Variants in CREB5 observed in about 807,000 individuals in gnomAD.
CREB5 encodes cyclic AMP-responsive element-binding protein 5.
Under a neutral mutation model 57.1 loss-of-function variants are expected in CREB5, and 19 were observed. The ratio of observed to expected loss-of-function variants is 0.33; its 90% CI spans 0.23 to 0.49. CREB5 has a LOEUF of 0.49. Ranked by LOEUF, CREB5 falls within the 20% of genes least tolerant of loss-of-function variation. The probability of loss-of-function intolerance (pLI) is 0.99; values close to 1 mark genes in which losing one functional copy is unlikely to be tolerated. For missense variants in CREB5, 579 were observed against 671.6 expected (o/e 0.86, Z 1.52); for synonymous variants, 238 against 238.3 (o/e 1.00, Z 0.01).
At chr7:28,435,565 C>T (rs1339604088) in intron 1 of CREB5, 1 of 918,038 alleles carries the variant, frequency 1.1e-6, no homozygotes, top group African/African-American at 1.8e-5. Flanking sequence ...GCTGCATCAT[C>T]TTCATCAGGA....
chr7:28,568,599 A>T (rs767997955), intron 4 of CREB5, among the ~76,000 whole-genome samples: 2 of 152,208 alleles, frequency 1.3e-5, no homozygotes, highest in African/African-American at 2.4e-5. Flanking sequence ...ACCCAATCAT[A>T]GTGTTTTCCC....
chr7:28,650,815 T>TA (rs1207206752), intron 5 of CREB5, among the ~76,000 whole-genome samples: 1 of 152,160 alleles, frequency 6.6e-6, no homozygotes. Flanking sequence ...TATCTTTTTT[T>TA]AAAAAAAGAG....
At chr7:28,413,195 G>A (rs946910060) in intron 1 of CREB5, among the ~76,000 whole-genome samples, 1 of 151,846 alleles carries the variant, frequency 6.6e-6, no homozygotes, top group South Asian at 2.1e-4. Flanking sequence ...AAGCTATGGA[G>A]CATGTTAAGT....
intron 1 of CREB5, among the ~76,000 whole-genome samples, chr7:28,349,497 T>C (rs1457832387): frequency 3.3e-5 from 5 of 151,998 alleles, no homozygotes; most frequent in Non-Finnish European, 7.4e-5. Context: ...AGCCATGGCA[T>C]TGATTTCAGG....
At chr7:28,788,085 C>G (rs1446758565) in intron 7 of CREB5, among the ~76,000 whole-genome samples, 1 of 152,080 alleles carries the variant, frequency 6.6e-6, no homozygotes, top group African/African-American at 2.4e-5. Flanking sequence ...TTTAGTTAAC[C>G]TGGCTGTCAG....
intron 4 of CREB5, among the ~76,000 whole-genome samples, chr7:28,527,754 G>A (rs1209888286): frequency 1.3e-5 from 2 of 152,174 alleles, no homozygotes; most frequent in Non-Finnish European, 2.9e-5. Flanking sequence ...GGAGTTTGAG[G>A]TTGCAGTAAG....
intron 1 of CREB5, among the ~76,000 whole-genome samples, chr7:28,349,569 G>A (rs1054500419): frequency 2.0e-5 from 3 of 152,092 alleles, no homozygotes; most frequent in Admixed American, 6.6e-5. Flanking sequence ...TTTGCTCCAC[G>A]TTCTTACGGC....
chr7:28,786,316 G>A (rs964387104), intron 7 of CREB5, among the ~76,000 whole-genome samples: 5 of 152,036 alleles, frequency 3.3e-5, no homozygotes, highest in African/African-American at 4.8e-5. Flanking sequence ...ACACAATCTC[G>A]GGTTACTGCA....
chr7:28,632,712 G>A (rs986407581), intron 5 of CREB5, among the ~76,000 whole-genome samples: 7 of 152,134 alleles, frequency 4.6e-5, no homozygotes, highest in Non-Finnish European at 8.8e-5. Flanking sequence ...CTCCAGTGTC[G>A]CCAAGGGAGG....
intron 1 of CREB5, among the ~76,000 whole-genome samples, chr7:28,486,806 C>A (rs1791575372): frequency 6.7e-6 from 1 of 150,336 alleles, no homozygotes; most frequent in African/African-American, 2.5e-5. Context: ...AAGGTATGCA[C>A]CTTAGAATTG....
chr7:28,339,758 T>C (rs542847348), intron 1 of CREB5, among the ~76,000 whole-genome samples: 52 of 152,316 alleles, frequency 3.4e-4, no homozygotes, highest in Admixed American at 9.8e-4. Context: ...TGGTCCGAGA[T>C]GATGTCTGGG....
At chr7:28,480,613 T>A (rs532305371) in intron 1 of CREB5, among the ~76,000 whole-genome samples, 1 of 152,350 alleles carries the variant, frequency 6.6e-6, no homozygotes, top group Non-Finnish European at 1.5e-5. Context: ...AGAAACAAGC[T>A]AAATTATTTG....
intron 7 of CREB5, among the ~76,000 whole-genome samples, chr7:28,787,500 C>A (rs1807399616): frequency 6.6e-6 from 1 of 152,216 alleles, no homozygotes; most frequent in South Asian, 2.1e-4. Flanking sequence ...ATGAAGTATT[C>A]TTGGGCCAGG....
At chr7:28,472,177 AG>A (rs1182914507) in intron 1 of CREB5, among the ~76,000 whole-genome samples, 3 of 150,930 alleles carry the variant, frequency 2.0e-5, no homozygotes, top group East Asian at 3.9e-4. Context: ...CATAGTAATG[AG>A]ATTGTCTTAG....
chr7:28,461,742 A>G (rs778219702), intron 1 of CREB5, among the ~76,000 whole-genome samples: 11 of 152,192 alleles, frequency 7.2e-5, no homozygotes, highest in South Asian at 4.1e-4. Context: ...ATTTAAATAA[A>G]TTAAAAGCAG....
intron 7 of CREB5, among the ~76,000 whole-genome samples, chr7:28,788,354 C>T (rs900765953): frequency 1.5e-4 from 23 of 152,300 alleles, no homozygotes; most frequent in African/African-American, 5.3e-4. Flanking sequence ...TAAGCCATGA[C>T]CAGGTTAGGC....
In CREB5 at chr7:28,621,277, C is replaced by T. The variant is rs199716404; in HGVS notation, c.464+50740C>T. Among the ~76,000 whole-genome samples the T allele has an allele frequency of 5.3e-5, 8 of 152,152 alleles. No homozygotes were observed. The East Asian group carries it at 1.5e-3, about 29-fold the overall frequency. On this transcript the variant is annotated intron_variant, in intron 5 of 10. Coordinates refer to ENST00000357727, the MANE Select transcript of CREB5 (RefSeq NM_182898.4). ...TGGTGTGTAAAAAATTATAGGCATG[C>T]AGGGTCACTGGAAAATGTTGAGAGC... is the stretch of plus-strand genomic sequence containing the variant.
chr7:28,647,310 G>A (rs1196143353), intron 5 of CREB5, among the ~76,000 whole-genome samples: 1 of 151,872 alleles, frequency 6.6e-6, no homozygotes, highest in African/African-American at 2.4e-5. Flanking sequence ...ACAGACTAGG[G>A]TGGAGCATCC....
rs1348131960 is a variant in CREB5, at chr7:28,824,101, A to G, written c.*4822A>G. 1 of 144,716 alleles carries G rather than the reference A, an allele frequency of 6.9e-6. No homozygotes were observed. Among genetic ancestry groups the G allele is most frequent in the African/African-American group, 2.6e-5 (1 of 37,950 alleles). The allele number at this position is 144,716 out of a possible 1,614,324, so 9.0% of individuals were successfully genotyped here. A position where few individuals can be genotyped will look rare whatever the true frequency, so the allele number is the denominator to read the frequency against. On this transcript the variant is annotated 3_prime_UTR_variant, in exon 11 of 11. Transcript: ENST00000357727. ...CGGCATCATTTAAAATACTTTACAG[A>G]TATTTGCACCAGGTACATTTATGTG...
Sources: allele counts gnomAD v4.1 joint callset (sites outside exome capture counted in the v4.1 genomes callset), GRCh38; gene constraint gnomAD v4.1.1; transcripts MANE v1.5; gene names NCBI Gene and HGNC (gene_info 2026-07-23, HGNC 2026-07-21).